The following COL10A1 variants were observed in gnomAD, a reference collection of about 807,000 sequenced individuals.
The protein encoded by COL10A1 is collagen type X alpha 1 chain.
A neutral mutation model predicts 18.2 loss-of-function variants in COL10A1; 10 were observed. That is an observed-to-expected ratio of 0.55 (90% CI 0.34 to 0.93). The LOEUF is 0.93. Ranked by LOEUF, COL10A1 falls within the 40% of genes least tolerant of loss-of-function variation. COL10A1 has a pLI of 0.02. For synonymous variants in COL10A1, 330 were observed against 316.6 expected (o/e 1.04, Z -0.45); for missense variants, 897 against 853.5 (o/e 1.05, Z -0.64).
Position 116,120,766 on chromosome 6 carries a change from A to C in COL10A1, c.1350T>G (p.Thr450=). The change falls in exon 3 of 3, where the codon ACT becomes ACG. Residue 450 remains threonine, a synonymous_variant. Transcript: ENST00000651968. ...TGCCTGGTGGCCCAATAGGGCCTCT[A>C]GTACCTGGTATTCCAGGGGCACCTC... ...GPRGAPGIPG[T]RGPIGPPGIP... is the part of the protein sequence containing the mutation. 1 of 1,612,662 alleles carries C rather than the reference A, an allele frequency of 6.2e-7. No individual in the cohort carries two copies. Among genetic ancestry groups the C allele is most frequent in the South Asian group, 1.1e-5 (1 of 91,056 alleles).
chr6:116,197,026 C>G, the COL10A1 span, among the ~76,000 whole-genome samples: 1 of 151,668 alleles, frequency 6.6e-6, no homozygotes, highest in African/African-American at 2.4e-5. Context: ...GCTCCTCATT[C>G]TTCTACAGCT....
chr6:116,183,210 T>C, the COL10A1 span, among the ~76,000 whole-genome samples: 1 of 152,292 alleles, frequency 6.6e-6, no homozygotes, highest in East Asian at 1.9e-4. Flanking sequence ...TTCTGGGTTC[T>C]CTATTCTGTT....
intron 1 of COL10A1, among the ~76,000 whole-genome samples, chr6:116,144,361 C>T (rs778207329): frequency 2.0e-5 from 3 of 151,964 alleles, no homozygotes; most frequent in South Asian, 2.1e-4. Context: ...ATTAGCTGGG[C>T]GTGATGGTGC....
At chr6:116,128,264 C>T (rs1190331448), upstream of COL10A1, among the ~76,000 whole-genome samples, 1 of 152,112 alleles carries the variant, frequency 6.6e-6, no homozygotes, top group Admixed American at 6.6e-5. Flanking sequence ...AATCTGACTG[C>T]TGTTTGCTTT....
At chr6:116,137,574 G>A (rs770241966) in intron 1 of COL10A1, 4 of 214,268 alleles carry the variant, frequency 1.9e-5, no homozygotes, top group Admixed American at 4.1e-5. Context: ...CAAAGGCTGC[G>A]TTTTCCCACT....
Position 116,120,670 on chromosome 6 carries a change from A to T in COL10A1, c.1446T>A (p.Thr482=), listed in dbSNP as rs777170359. The T allele has an allele frequency of 6.5e-7, 1 of 1,546,230 alleles. No homozygotes were observed. The highest frequency in any genetic ancestry group is 2.2e-5 in the East Asian group (1 of 44,460). Residue 482 remains threonine, a synonymous_variant, in exon 3 of 3, where the codon ACT becomes ACA. Coordinates refer to ENST00000651968, the MANE Select transcript of COL10A1 (RefSeq NM_000493.4). ...GCCCGGTGGGTCCATTGAGGCCCTT[A>T]GTTGCTATGCCAGCTGGGCCAGGAG... is the stretch of plus-strand genomic sequence containing the variant. The part of the protein sequence containing the change: ...PGPPGPAGIA[T]KGLNGPTGPP...
chr6:116,171,123 T>C, the COL10A1 span, among the ~76,000 whole-genome samples: 1 of 152,140 alleles, frequency 6.6e-6, no homozygotes, highest in Non-Finnish European at 1.5e-5. Flanking sequence ...ACTTGATCCA[T>C]AGTAGGTGTT....
chr6:116,149,604 T>G (rs9488852), intron 1 of COL10A1, among the ~76,000 whole-genome samples: 4,712 of 152,314 alleles, frequency 0.031, 206 homozygotes, highest in African/African-American at 0.098. Flanking sequence ...AAAGGGTATC[T>G]AGACTTTATT....
exon 1 of COL10A1, chr6:116,158,673 C>T (rs1299738073): frequency 2.0e-5 from 3 of 152,200 alleles, no homozygotes; most frequent in South Asian, 2.1e-4. Context: ...AAAGTCACTA[C>T]TTTGTCATCC....
chr6:116,128,393 A>G (rs2114320802), upstream of COL10A1, among the ~76,000 whole-genome samples: 1 of 152,252 alleles, frequency 6.6e-6, no homozygotes, highest in Non-Finnish European at 1.5e-5. Flanking sequence ...GTTTACTTGT[A>G]GCTGTTTGAA....
chr6:116,192,633 A>G, the COL10A1 span, among the ~76,000 whole-genome samples: 3 of 152,114 alleles, frequency 2.0e-5, no homozygotes, highest in African/African-American at 7.2e-5. Flanking sequence ...TTTGTATATT[A>G]TAAAAAGTCA....
At chr6:116,144,105 G>C (rs966270288) in intron 1 of COL10A1, among the ~76,000 whole-genome samples, 9 of 151,968 alleles carry the variant, frequency 5.9e-5, no homozygotes, top group Non-Finnish European at 1.0e-4. Context: ...TGGTGGTGTC[G>C]GGTATTCTGC....
chr6:116,150,203 G>A (rs1780003718), intron 1 of COL10A1, among the ~76,000 whole-genome samples: 1 of 152,138 alleles, frequency 6.6e-6, no homozygotes, highest in Admixed American at 6.5e-5. Flanking sequence ...ACATTACTAT[G>A]GCTTTCACAT....
the COL10A1 span, among the ~76,000 whole-genome samples, chr6:116,206,139 A>G: frequency 6.6e-6 from 1 of 151,996 alleles, no homozygotes; most frequent in African/African-American, 2.4e-5. Flanking sequence ...GGTAAGTAGC[A>G]TTTTGATAAG....
chr6:116,163,371 A>G, upstream of COL10A1, among the ~76,000 whole-genome samples: 1 of 151,660 alleles, frequency 6.6e-6, no homozygotes, highest in Non-Finnish European at 1.5e-5. Context: ...GTTTCTGGAA[A>G]TTTATTTGTT....
chr6:116,210,156 A>G, the COL10A1 span, among the ~76,000 whole-genome samples: 51 of 152,168 alleles, frequency 3.4e-4, no homozygotes, highest in African/African-American at 1.2e-3. Flanking sequence ...CTCTGCAGAA[A>G]TCTAATTTGG....
chr6:116,148,605 A>AT (rs1779955204), intron 1 of COL10A1, among the ~76,000 whole-genome samples: 1 of 152,244 alleles, frequency 6.6e-6, no homozygotes, highest in African/African-American at 2.4e-5. Context: ...TATTATATGT[A>AT]TTTTTTTAGA....
At chr6:116,186,680 C>G in the COL10A1 span, among the ~76,000 whole-genome samples, 3 of 151,978 alleles carry the variant, frequency 2.0e-5, no homozygotes, top group Non-Finnish European at 4.4e-5. Flanking sequence ...CTGCGAGTTT[C>G]CAGTGCATTT....
the COL10A1 span, among the ~76,000 whole-genome samples, chr6:116,200,526 G>A: frequency 5.9e-5 from 9 of 152,034 alleles, no homozygotes; most frequent in South Asian, 1.9e-3. Context: ...TAATTTTTCT[G>A]TCCATCTAAA....
Sources: allele counts gnomAD v4.1 joint callset (sites outside exome capture counted in the v4.1 genomes callset), GRCh38; gene constraint gnomAD v4.1.1; transcripts MANE v1.5; gene names NCBI Gene and HGNC (gene_info 2026-07-23, HGNC 2026-07-21).